The following POLR2B variants were observed in gnomAD, a reference collection of about 807,000 sequenced individuals.
POLR2B encodes DNA-directed RNA polymerase II subunit RPB2.
In POLR2B, 57 loss-of-function variants were observed where a neutral mutation model predicts 144.6. That is an observed-to-expected ratio of 0.39 (90% CI 0.32 to 0.49). POLR2B has a LOEUF of 0.49. Among genes scored for constraint, POLR2B ranks in the 20% least tolerant of loss-of-function variants. The probability of loss-of-function intolerance (pLI) is 0.83; values close to 1 mark genes in which losing one functional copy is unlikely to be tolerated. For missense variants in POLR2B, 595 were observed against 1,467.4 expected, an observed-to-expected ratio of 0.41 and a Z score of 9.71; for synonymous variants, 442 against 469.8, an observed-to-expected ratio of 0.94 and a Z score of 0.77.
At position 57,017,744 on chromosome 4, in the gene POLR2B, C is replaced by G; in HGVS notation, c.2323+16C>G. 6.2e-7 allele frequency: 1 copy of G among 1,602,024 alleles called. No homozygotes were observed. The highest frequency in any genetic ancestry group is 1.1e-5 in the South Asian group (1 of 89,610). On this transcript the variant is annotated intron_variant, in intron 16 of 24. Coordinates refer to ENST00000314595, the MANE Select transcript of POLR2B (RefSeq NM_000938.3). This position sits in a 1 kb window ranked among gnomAD's most constrained non-coding sequence, Gnocchi z 4.8. ...CTGCCAGCAGGTATGGTCAGTTTTG[C>G]TCTACGTTATTTAAGATCCTTCTGT...
At chr4:56,981,827 A>T (rs1179405746) in intron 1 of POLR2B, among the ~76,000 whole-genome samples, 3 of 152,234 alleles carry the variant, frequency 2.0e-5, no homozygotes, top group Non-Finnish European at 4.4e-5. Context: ...AACTGATTAC[A>T]ATATGTTTCT....
intron 16 of POLR2B, among the ~76,000 whole-genome samples, chr4:57,020,003 C>T (rs760808141): frequency 2.0e-5 from 3 of 152,042 alleles, no homozygotes; most frequent in Non-Finnish European, 4.4e-5. Flanking sequence ...ATTGTTTCCT[C>T]ATGATGATAT....
Position 57,017,471 on chromosome 4 carries a change from C to T in POLR2B, c.2155-89C>T, listed in dbSNP as rs1723407396. The stretch of plus-strand genomic sequence containing the variant: ...TTTTGAAAAAAATCAGGAGTTTTAC[C>T]AATCATATTTCTTTTGATTTATTGT... On this transcript the variant is annotated intron_variant, in intron 15 of 24. Transcript: ENST00000314595. The surrounding 1 kb of genome is among the most constrained non-coding windows in gnomAD (Gnocchi z 4.8). 2 of 1,112,278 alleles carry T rather than the reference C, an allele frequency of 1.8e-6. No individual in the cohort carries two copies. The highest frequency in any genetic ancestry group is 1.3e-6 in the Non-Finnish European group (1 of 783,044). 68.9% of individuals were successfully genotyped at this position (1,112,278 alleles called of 1,614,324 possible).
chr4:56,990,957 C>G, intron 3 of POLR2B, 59 bp downstream of exon 3: 1 of 1,411,962 alleles, frequency 7.1e-7, no homozygotes, highest in South Asian at 1.4e-5. Flanking sequence ...AAATTTTAGC[C>G]CTTCTCTTAC....
chr4:57,029,534 T>C (rs1342936617), intron 23 of POLR2B, among the ~76,000 whole-genome samples: 3 of 152,194 alleles, frequency 2.0e-5, no homozygotes. Flanking sequence ...ATATTAAGTA[T>C]GTTAAGGAAG....
In POLR2B at chr4:57,030,949, T is replaced by G; in HGVS notation, c.3486T>G (p.Leu1162=). 1.2e-6 allele frequency: 2 copies of G among 1,608,466 alleles called. No homozygotes were observed. Among genetic ancestry groups the G allele is most frequent in the Non-Finnish European group, 1.7e-6 (2 of 1,174,822 alleles). Residue 1162 remains leucine (L), a synonymous_variant, in exon 25 of 25, where the codon CTT becomes CTG. Coordinates refer to ENST00000314595, the MANE Select transcript of POLR2B (RefSeq NM_000938.3). ...CATGCAAACTATTGTTTCAGGAACT[T>G]ATGTCTATGAGTATTGCACCGCGAA... ...PYACKLLFQE[L]MSMSIAPRMM...
At chr4:57,014,028 G>A (rs1010644558) in intron 13 of POLR2B, among the ~76,000 whole-genome samples, 4 of 151,680 alleles carry the variant, frequency 2.6e-5, no homozygotes, top group Non-Finnish European at 4.4e-5. Flanking sequence ...ACTTAAGGCA[G>A]TGCATTTGAA....
rs377740921 is a variant in POLR2B, at chr4:57,017,014, A to C, written c.1956-29A>C. ...AATAGTTAGTTAAAATACTTGAGGA[A>C]GTAGAAAATTGAGTGAATTCTTTTT... is the stretch of plus-strand genomic sequence containing the variant. On this transcript the variant is annotated intron_variant, in intron 14 of 24. Coordinates refer to ENST00000314595, the MANE Select transcript of POLR2B (RefSeq NM_000938.3). This position sits in a 1 kb window ranked among gnomAD's most constrained non-coding sequence, Gnocchi z 4.8. 2 of 1,422,318 alleles carry C rather than the reference A, an allele frequency of 1.4e-6. No individual in the cohort carries two copies. The highest frequency in any genetic ancestry group is 2.8e-5 in the African/African-American group (2 of 70,880). 88.1% of individuals were successfully genotyped at this position (1,422,318 alleles called of 1,614,324 possible).
At chr4:57,000,039 C>T (rs766046333) in intron 7 of POLR2B, among the ~76,000 whole-genome samples, 15 of 152,138 alleles carry the variant, frequency 9.9e-5, no homozygotes, top group Non-Finnish European at 1.8e-4. Flanking sequence ...TAAGGAAGCT[C>T]GCAGAAGCAC....
chr4:57,026,160 C>T (rs1041280580), intron 23 of POLR2B, among the ~76,000 whole-genome samples: 1 of 152,014 alleles, frequency 6.6e-6, no homozygotes, highest in Non-Finnish European at 1.5e-5. Flanking sequence ...ATCACTTGAA[C>T]CTGGGAGGCG....
chr4:56,988,806 G>T (rs1231629672), intron 2 of POLR2B, among the ~76,000 whole-genome samples: 1 of 152,166 alleles, frequency 6.6e-6, no homozygotes, highest in Non-Finnish European at 1.5e-5. Flanking sequence ...CAATAACCAG[G>T]TAGATGTTCT....
intron 21 of POLR2B, 41 bp downstream of exon 21, chr4:57,024,153 C>T (rs1409914444): frequency 9.3e-7 from 1 of 1,074,406 alleles, no homozygotes; most frequent in Non-Finnish European, 1.4e-6. Flanking sequence ...TAAGCTGATG[C>T]TTCTTCTAAA....
chr4:56,989,043 T>A (rs1330660579), intron 2 of POLR2B, among the ~76,000 whole-genome samples: 1 of 152,236 alleles, frequency 6.6e-6, no homozygotes, highest in Non-Finnish European at 1.5e-5. Flanking sequence ...TTTTTTTACT[T>A]TTTAATATCA....
chr4:57,027,078 G>A (rs374089822), intron 23 of POLR2B, among the ~76,000 whole-genome samples: 44 of 151,890 alleles, frequency 2.9e-4, no homozygotes, highest in African/African-American at 8.9e-4. Context: ...GTGCGATCTC[G>A]GCTCACGGCA....
intron 17 of POLR2B, 106 bp downstream of exon 17, chr4:57,021,101 G>T: frequency 1.4e-6 from 1 of 700,974 alleles, no homozygotes; most frequent in Non-Finnish European, 2.6e-6. Flanking sequence ...ACTCCAGAAA[G>T]TGGAAGGACT....
chr4:57,025,394 C>T lies in POLR2B; in HGVS notation c.3096C>T (p.Phe1032=). 1 of 1,613,372 alleles carries T rather than the reference C, an allele frequency of 6.2e-7. No homozygotes were observed. The highest frequency in any genetic ancestry group is 8.5e-7 in the Non-Finnish European group (1 of 1,179,346). Residue 1032 remains phenylalanine (F), a synonymous_variant, in exon 23 of 25, where the codon TTC becomes TTT. Transcript: ENST00000314595. ...LRGNEVLYNG[F]TGRKITSQIF... is the part of the protein sequence containing the mutation. ...TGTTGCAGGTCCTGTACAATGGGTTCACTGGTCGAAAAATCACATCACAAA... is the reference window on the plus strand; with the variant it reads ...TGTTGCAGGTCCTGTACAATGGGTTTACTGGTCGAAAAATCACATCACAAA...
chr4:57,030,357 G>T lies in POLR2B; in HGVS notation c.3393G>T (p.Arg1131Ser). ...LCGIMAIANT[R>S]THTYECRGCR... ...GAATAATGGCGATTGCCAACACCAG[G>T]ACCCATACATATGAATGCAGGGGCT... The change falls in exon 24 of 25, where the codon AGG becomes AGT. Residue 1131 changes from arginine (R) to serine (S), a missense_variant. Around this residue, in one of 9 missense-constraint regions of POLR2B, gnomAD observed 45 missense variants for 80.9 expected, o/e 0.56. Coordinates refer to ENST00000314595, the MANE Select transcript of POLR2B (RefSeq NM_000938.3). The T allele has an allele frequency of 6.2e-7, 1 of 1,613,974 alleles. No individual in the cohort carries two copies. The highest frequency in any genetic ancestry group is 8.5e-7 in the Non-Finnish European group (1 of 1,179,904).
intron 10 of POLR2B, among the ~76,000 whole-genome samples, chr4:57,008,906 G>A (rs1275089393): frequency 6.6e-6 from 1 of 152,142 alleles, no homozygotes; most frequent in Non-Finnish European, 1.5e-5. Flanking sequence ...GCAGTTCTGG[G>A]TTTTCAAATC....
chr4:57,003,455 G>A (rs1722915313), intron 7 of POLR2B, among the ~76,000 whole-genome samples: 1 of 151,740 alleles, frequency 6.6e-6, no homozygotes, highest in African/African-American at 2.4e-5. Flanking sequence ...TTTTGGGCTG[G>A]CATGGTGGCT....
Sources: allele counts gnomAD v4.1 joint callset (sites outside exome capture counted in the v4.1 genomes callset), GRCh38; gene constraint gnomAD v4.1.1; regional missense constraint gnomAD v4.1.1; non-coding constraint Gnocchi (gnomAD v3.1); transcripts MANE v1.5; gene names NCBI Gene and HGNC (gene_info 2026-07-23, HGNC 2026-07-21).